Variants in TMEM192 observed in about 807,000 individuals in gnomAD.
TMEM192 encodes the protein transmembrane protein 192.
A neutral mutation model predicts 26.7 loss-of-function variants in TMEM192; 20 were observed. The ratio of observed to expected loss-of-function variants is 0.75; its 90% CI spans 0.53 to 1.09. The LOEUF is 1.09. Ranked by LOEUF, TMEM192 falls within the 50% of genes least tolerant of loss-of-function variation. The pLI is 0.00. For missense variants in TMEM192, 304 were observed against 322.6 expected (o/e 0.94, Z 0.44); for synonymous variants, 124 against 121.0 (o/e 1.02, Z -0.16).
At chr4:165,110,208 C>A (rs1735261166) in intron 1 of TMEM192, among the ~76,000 whole-genome samples, 1 of 152,198 alleles carries the variant, frequency 6.6e-6, no homozygotes, top group Non-Finnish European at 1.5e-5. Flanking sequence ...TTATTAACTA[C>A]ATTACCACCT....
In TMEM192 at chr4:165,101,529, G is replaced by A. The variant is rs564889665; in HGVS notation, c.175-637C>T. ...CTACAGGCCTGTGCCACCATGCCTG[G>A]CCAATTTTAAGAAGTTTTTATAGAG... On this transcript the variant is annotated intron_variant, in intron 2 of 5. Transcript: ENST00000306480. Among the ~76,000 whole-genome samples the A allele has an allele frequency of 1.7e-4, 26 of 152,122 alleles. 1 individual carries two copies. In the South Asian group the frequency reaches 2.1e-3, roughly 12 times the overall value.
intron 5 of TMEM192, 128 bp from the exon 6 acceptor site, chr4:165,079,924 GC>G: frequency 1.3e-6 from 1 of 786,068 alleles, no homozygotes; most frequent in Non-Finnish European, 1.8e-6. Context: ...GATGTCAGAA[GC>G]CAGGGTAATA....
chr4:165,092,515 C>A (rs1033171691), intron 3 of TMEM192, among the ~76,000 whole-genome samples: 4 of 152,044 alleles, frequency 2.6e-5, no homozygotes, highest in African/African-American at 4.8e-5. Flanking sequence ...CTGTTTGCAC[C>A]CCCTACCACA....
chr4:165,073,329 A>C lies in TMEM192; in HGVS notation c.*6329T>G, dbSNP rs1290885815. On this transcript the variant is annotated 3_prime_UTR_variant, in exon 6 of 6. Transcript: ENST00000306480. ...TTTAATGGATTTAGGGCTGTGCAGG[A>C]TGTGCCTTGTTAACAATATGTTTGC... 1.3e-5 allele frequency: 2 copies of C among 152,272 alleles called. No individual in the cohort carries two copies. The highest frequency in any genetic ancestry group is 2.9e-5 in the Non-Finnish European group (2 of 68,082). 9.4% of individuals were successfully genotyped at this position (152,272 alleles called of 1,614,324 possible). A position where few individuals can be genotyped will look rare whatever the true frequency, so the allele number is the denominator to read the frequency against.
rs572712312 is a variant in TMEM192, at chr4:165,075,293, G to C, written c.*4365C>G. On this transcript the variant is annotated 3_prime_UTR_variant, in exon 6 of 6. Coordinates refer to ENST00000306480, the MANE Select transcript of TMEM192 (RefSeq NM_001100389.2). ...TCTCGCTCTGCTCTGTCGCCAGGCT[G>C]GAGTGCAGTGGCACCATCTTGGTTC... 2.0e-5 allele frequency: 3 copies of C among 148,940 alleles called. No homozygotes were observed. The East Asian group carries it at 5.9e-4, about 29-fold the overall frequency. 9.2% of individuals were successfully genotyped at this position (148,940 alleles called of 1,614,324 possible). A position where few individuals can be genotyped will look rare whatever the true frequency, so the allele number is the denominator to read the frequency against.
intron 3 of TMEM192, among the ~76,000 whole-genome samples, chr4:165,099,056 T>C (rs1734979213): frequency 6.6e-6 from 1 of 151,818 alleles, no homozygotes; most frequent in African/African-American, 2.4e-5. Flanking sequence ...AACAGGATCT[T>C]TTTAAAAGGT....
At position 165,074,410 on chromosome 4, in the gene TMEM192, T is replaced by A. The variant is rs919266258; in HGVS notation, c.*5248A>T. The A allele has an allele frequency of 9.2e-5, 14 of 152,080 alleles. No individual in the cohort carries two copies. The highest frequency in any genetic ancestry group is 3.4e-4 in the African/African-American group (14 of 41,402). 9.4% of individuals were successfully genotyped at this position (152,080 alleles called of 1,614,324 possible). ...GTTTGATTCTTCAAGAACTCAAGAGTTTACCAGATGTGAGTTTTGTATTCA... is the reference window on the plus strand; with the variant it reads ...GTTTGATTCTTCAAGAACTCAAGAGATTACCAGATGTGAGTTTTGTATTCA... On this transcript the variant is annotated 3_prime_UTR_variant, in exon 6 of 6. Transcript: ENST00000306480.
chr4:165,107,351 A>C lies in TMEM192; in HGVS notation c.28-4255T>G, dbSNP rs1300598506. On this transcript the variant is annotated intron_variant, in intron 1 of 5. Transcript: ENST00000306480. Reference sequence around the variant, plus strand: ...TTTTTAAAACAAAAACAAAAACAAAAAAAAAAACAGGGTCTCACTCTGTCA... The same window carrying C: ...TTTTTAAAACAAAAACAAAAACAAACAAAAAAACAGGGTCTCACTCTGTCA... Among the ~76,000 whole-genome samples, 8 of 149,396 alleles carry C rather than the reference A, an allele frequency of 5.4e-5. No homozygotes were observed. The South Asian group carries it at 8.6e-4, about 16-fold the overall frequency.
chr4:165,097,613 AT>A (rs1166780748), intron 3 of TMEM192, among the ~76,000 whole-genome samples: 3 of 140,482 alleles, frequency 2.1e-5, no homozygotes, highest in Admixed American at 7.1e-5. Context: ...ATTTGATCCA[AT>A]TTTTTTTTCT....
At chr4:165,088,654 T>C (rs1251771600) in intron 3 of TMEM192, 52 bp from the exon 4 acceptor site, 9 of 1,535,520 alleles carry the variant, frequency 5.9e-6, no homozygotes, top group Non-Finnish European at 7.9e-6. Flanking sequence ...ACATATATGG[T>C]CTTTGTCCAA....
intron 5 of TMEM192, among the ~76,000 whole-genome samples, chr4:165,081,487 C>G (rs7440898): frequency 0.78 from 70,143 of 89,396 alleles, 28,913 homozygotes; most frequent in East Asian, 0.93. Flanking sequence ...GGGTTCATGC[C>G]ATTCTCCTGC....
intron 3 of TMEM192, among the ~76,000 whole-genome samples, chr4:165,093,599 G>C (rs1008020547): frequency 6.6e-6 from 1 of 152,074 alleles, no homozygotes; most frequent in African/African-American, 2.4e-5. Context: ...TACCCTCCTT[G>C]AAGAAGACCA....
At chr4:165,112,558 G>A (rs1441374247) in intron 1 of TMEM192, among the ~76,000 whole-genome samples, 189 bp downstream of exon 1, 1 of 152,166 alleles carries the variant, frequency 6.6e-6, no homozygotes, top group African/African-American at 2.4e-5. Flanking sequence ...AACGTGTCGC[G>A]GATCCCACAG....
At chr4:165,095,783 T>A (rs1022480720) in intron 3 of TMEM192, among the ~76,000 whole-genome samples, 5 of 151,574 alleles carry the variant, frequency 3.3e-5, no homozygotes, top group Non-Finnish European at 7.4e-5. Context: ...TTTTTAAAAA[T>A]TTTTTTTTAA....
In TMEM192 at chr4:165,074,569, C is replaced by T. The variant is rs1331600512; in HGVS notation, c.*5089G>A. 1.3e-5 allele frequency: 2 copies of T among 152,160 alleles called. No homozygotes were observed. The highest frequency in any genetic ancestry group is 2.9e-5 in the Non-Finnish European group (2 of 68,094). 9.4% of individuals were successfully genotyped at this position (152,160 alleles called of 1,614,324 possible). ...TCAAGCAATTCTCCTGCCTCAGCCT[C>T]CTGAGTAGCTGGGATTACAGGTGCA... On this transcript the variant is annotated 3_prime_UTR_variant, in exon 6 of 6. Transcript: ENST00000306480.
chr4:165,090,472 C>T (rs1734732743), intron 3 of TMEM192, among the ~76,000 whole-genome samples: 1 of 152,070 alleles, frequency 6.6e-6, no homozygotes, highest in Admixed American at 6.6e-5. Flanking sequence ...TGGACAGAAG[C>T]TCCTGTACTT....
At chr4:165,110,213 C>T (rs929125034) in intron 1 of TMEM192, among the ~76,000 whole-genome samples, 5 of 152,172 alleles carry the variant, frequency 3.3e-5, no homozygotes, top group African/African-American at 1.2e-4. Context: ...AACTACATTA[C>T]CACCTGTAGA....
chr4:165,102,868 C>T (rs1735069313), intron 2 of TMEM192, 82 bp downstream of exon 2: 2 of 1,249,178 alleles, frequency 1.6e-6, no homozygotes, highest in Non-Finnish European at 1.1e-6. Context: ...TTGATAGATA[C>T]AGCACAACTG....
rs1213779498 is a variant in TMEM192, at chr4:165,078,489, AT to A, written c.*1168del. The A allele has an allele frequency of 3.9e-5, 6 of 152,226 alleles. No individual in the cohort carries two copies. The highest frequency in any genetic ancestry group is 1.3e-4 in the Admixed American group (2 of 15,276). The allele number at this position is 152,226 out of a possible 1,614,324, so 9.4% of individuals were successfully genotyped here. ...CTTAATATGCATTTCTTCCATTACA[AT>A]TTTTAAGTATAATCCAAGGCTTTAA... On this transcript the variant is annotated 3_prime_UTR_variant, in exon 6 of 6. Coordinates refer to ENST00000306480, the MANE Select transcript of TMEM192 (RefSeq NM_001100389.2).
Sources: allele counts gnomAD v4.1 joint callset (sites outside exome capture counted in the v4.1 genomes callset), GRCh38; gene constraint gnomAD v4.1.1; transcripts MANE v1.5; gene names NCBI Gene and HGNC (gene_info 2026-07-23, HGNC 2026-07-21).